The following SPACA9 variants were observed in gnomAD, a reference collection of about 807,000 sequenced individuals.
The protein encoded by SPACA9 is sperm acrosome-associated protein 9.
In SPACA9, 14 loss-of-function variants were observed where a neutral mutation model predicts 12.5. The observed-to-expected ratio is 1.12, with a 90% CI of 0.74 to 1.75. The LOEUF is 1.75. Ranked by LOEUF, SPACA9 falls within the 40% of genes most tolerant of loss-of-function variation. The pLI is 0.00. For missense variants in SPACA9, 292 were observed against 291.9 expected, an observed-to-expected ratio of 1.00 and a Z score of 0.00; for synonymous variants, 111 against 114.1, an observed-to-expected ratio of 0.97 and a Z score of 0.17.
At chr9:132,884,340 T>C (rs1844508958) in intron 2 of SPACA9, among the ~76,000 whole-genome samples, 1 of 152,234 alleles carries the variant, frequency 6.6e-6, no homozygotes, top group Non-Finnish European at 1.5e-5. Context: ...AGCTCTACCA[T>C]GTGCCACTGC....
In SPACA9 at chr9:132,888,342, T is replaced by G. The variant is rs1008518633; in HGVS notation, c.400T>G (p.Tyr134Asp). The change falls in exon 4 of 4, where the codon TAC becomes GAC. Residue 134 changes from tyrosine to aspartate, a missense_variant. By Grantham distance (160) the Tyr-to-Asp change is radical. Transcript: ENST00000356311. This position sits in a 1 kb window ranked among gnomAD's most constrained non-coding sequence, Gnocchi z 5.0. The part of the protein sequence containing the change: ...HLSCDEARNH[Y>D]GGVVSLIPLI... ...CAGCTGTGACGAGGCCCGGAACCAC[T>G]ACGGCGGCGTGGTCAGCCTCATCCC... is the stretch of plus-strand genomic sequence containing the variant. The G allele has an allele frequency of 6.2e-7, 1 of 1,614,048 alleles. No homozygotes were observed. The highest frequency in any genetic ancestry group is 8.5e-7 in the Non-Finnish European group (1 of 1,179,994).
At chr9:132,886,018 C>G (rs1032699443) in intron 2 of SPACA9, among the ~76,000 whole-genome samples, 10 of 152,232 alleles carry the variant, frequency 6.6e-5, no homozygotes, top group Non-Finnish European at 1.5e-4. Flanking sequence ...GCCTCTCCCC[C>G]TTACGAAGCT....
At chr9:132,884,194 C>T in intron 2 of SPACA9, 103 bp downstream of exon 2, 2 of 1,284,000 alleles carry the variant, frequency 1.6e-6, no homozygotes, top group Non-Finnish European at 2.2e-6. Flanking sequence ...ACGTTTGCGC[C>T]AGAATTAGGA....
In SPACA9 at chr9:132,884,085, T is replaced by C. The variant is rs1450823340; in HGVS notation, c.138T>C (p.Ile46=). ...ACAAGATCCGGCCCATCTCCAGCAT[T>C]GGACAGGTGGGGCTCCCGACCCCCA... ...AHDKIRPISS[I]GQVQSYMEHY... The change falls in exon 2 of 4, where the codon ATT becomes ATC. Residue 46 remains isoleucine, a synonymous_variant. Transcript: ENST00000356311. 5.6e-6 allele frequency: 9 copies of C among 1,612,670 alleles called. No homozygotes were observed. In the South Asian group the frequency reaches 9.9e-5, roughly 18 times the overall value.
intron 2 of SPACA9, among the ~76,000 whole-genome samples, chr9:132,886,352 C>T (rs1844564892): frequency 6.6e-6 from 1 of 152,214 alleles, no homozygotes; most frequent in South Asian, 2.1e-4. Context: ...CCTCCTTCTC[C>T]ACCTTGTGAA....
intron 2 of SPACA9, among the ~76,000 whole-genome samples, chr9:132,886,469 C>A (rs1026378900): frequency 9.9e-5 from 15 of 152,208 alleles, no homozygotes; most frequent in Admixed American, 7.2e-4. Flanking sequence ...AGTGGGATGA[C>A]AGGCACTGTG....
chr9:132,888,523 A>T lies in SPACA9; in HGVS notation c.581A>T (p.Lys194Ile), dbSNP rs778502752. The change falls in exon 4 of 4, where the codon AAA becomes ATA. Residue 194 changes from lysine to isoleucine, a missense_variant. By Grantham distance (102) the Lys-to-Ile change is moderately radical. Transcript: ENST00000356311. This position sits in a 1 kb window ranked among gnomAD's most constrained non-coding sequence, Gnocchi z 5.0. ...QAIGTQPRAT[K>I]HKCRQLTKAS... ...ATAGGGACCCAGCCCAGGGCCACTAAACACAAGTGTAGACAGCTCACAAAA... is the reference window on the plus strand; with the variant it reads ...ATAGGGACCCAGCCCAGGGCCACTATACACAAGTGTAGACAGCTCACAAAA... 5.1e-6 allele frequency: 8 copies of T among 1,575,114 alleles called. No homozygotes were observed. In the South Asian group the frequency reaches 9.2e-5, roughly 18 times the overall value.
chr9:132,881,582 G>C (rs573269752), intron 1 of SPACA9, among the ~76,000 whole-genome samples: 1 of 151,932 alleles, frequency 6.6e-6, no homozygotes, highest in African/African-American at 2.4e-5. Flanking sequence ...CCTAGCTGAC[G>C]TGGTGAAATT....
chr9:132,879,229 T>C (rs368793783), intron 1 of SPACA9, among the ~76,000 whole-genome samples: 1 of 152,328 alleles, frequency 6.6e-6, no homozygotes, highest in East Asian at 1.9e-4. Flanking sequence ...CAGCTTGATA[T>C]TTTATTAGTC....
In SPACA9 at chr9:132,888,533, T is replaced by G; in HGVS notation, c.591T>G (p.Cys197Trp). The change falls in exon 4 of 4, where the codon TGT becomes TGG. Residue 197 changes from cysteine to tryptophan, a missense_variant. Transcript: ENST00000356311. This position sits in a 1 kb window ranked among gnomAD's most constrained non-coding sequence, Gnocchi z 5.0. ...GTQPRATKHK[C>W]RQLTKASLKP... Reference sequence around the variant, plus strand: ...AGCCCAGGGCCACTAAACACAAGTGTAGACAGCTCACAAAAGCCAGCCTCA... The same window carrying G: ...AGCCCAGGGCCACTAAACACAAGTGGAGACAGCTCACAAAAGCCAGCCTCA... 1 of 1,565,090 alleles carries G rather than the reference T, an allele frequency of 6.4e-7. No homozygotes were observed. The highest frequency in any genetic ancestry group is 1.2e-5 in the South Asian group (1 of 85,944).
At position 132,888,227 on chromosome 9, in the gene SPACA9, T is replaced by C. The variant is rs1346435163; in HGVS notation, c.348-63T>C. On this transcript the variant is annotated intron_variant, in intron 3 of 3. Transcript: ENST00000356311. This position sits in a 1 kb window ranked among gnomAD's most constrained non-coding sequence, Gnocchi z 5.0. The stretch of plus-strand genomic sequence containing the variant: ...TCTGCTGTGCCTGAGGTGTGGCAGC[T>C]GCTTGCCACGGCATGGCAAGTCCCG... 1.9e-6 allele frequency: 3 copies of C among 1,549,594 alleles called. No individual in the cohort carries two copies. Among genetic ancestry groups the C allele is most frequent in the African/African-American group, 1.4e-5 (1 of 73,152 alleles).
intron 1 of SPACA9, among the ~76,000 whole-genome samples, chr9:132,882,513 T>A (rs1299084561): frequency 6.8e-6 from 1 of 147,074 alleles, no homozygotes; most frequent in Non-Finnish European, 1.5e-5. Flanking sequence ...TAGGCTGGAG[T>A]GCAGTACTGC....
chr9:132,884,798 C>A (rs940286789), intron 2 of SPACA9, among the ~76,000 whole-genome samples: 6 of 152,210 alleles, frequency 3.9e-5, no homozygotes, highest in African/African-American at 1.4e-4. Context: ...AACAAGCAAC[C>A]CTTGCTGGCA....
Position 132,883,997 on chromosome 9 carries a change from T to C in SPACA9, c.50T>C (p.Leu17Pro). The stretch of plus-strand genomic sequence containing the variant: ...CGCAGCATCGAGCAGAAGTACAAGC[T>C]CTTCCAGCAGCAGCAGCTCACCTTC... The part of the protein sequence containing the change: ...SLRSIEQKYK[L>P]FQQQQLTFTA... Residue 17 changes from leucine to proline, a missense_variant, in exon 2 of 4, where the codon CTC becomes CCC. Transcript: ENST00000356311. 6.2e-7 allele frequency: 1 copy of C among 1,614,096 alleles called. No individual in the cohort carries two copies. The highest frequency in any genetic ancestry group is 8.5e-7 in the Non-Finnish European group (1 of 1,180,004).
Position 132,889,757 on chromosome 9 carries a change from G to C in SPACA9, c.*1146G>C, listed in dbSNP as rs1325695571. On this transcript the variant is annotated 3_prime_UTR_variant, in exon 4 of 4. Transcript: ENST00000356311. ...TTAGTTCTCTGGACCACAGCCAAAG[G>C]GGAATAAACTCACCTTTCCTTCGCC... 2.4e-6 allele frequency: 3 copies of C among 1,272,020 alleles called. No homozygotes were observed. The East Asian group carries it at 9.4e-5, about 40-fold the overall frequency. 78.8% of individuals were successfully genotyped at this position (1,272,020 alleles called of 1,614,324 possible). A position where few individuals can be genotyped will look rare whatever the true frequency, so the allele number is the denominator to read the frequency against.
At chr9:132,880,845 T>C (rs867756410) in intron 1 of SPACA9, among the ~76,000 whole-genome samples, 3 of 148,286 alleles carry the variant, frequency 2.0e-5, no homozygotes, top group Non-Finnish European at 3.0e-5. Context: ...TTTTTTGAGA[T>C]GGAGTCTTGC....
intron 1 of SPACA9, among the ~76,000 whole-genome samples, chr9:132,883,571 CGT>C (rs948932422): frequency 2.5e-4 from 38 of 151,820 alleles, no homozygotes; most frequent in African/African-American, 7.7e-4. Flanking sequence ...CATGTGTGTG[CGT>C]GTGTGTGTGC....
At chr9:132,886,263 C>T (rs747378198) in intron 2 of SPACA9, among the ~76,000 whole-genome samples, 22 of 152,204 alleles carry the variant, frequency 1.4e-4, no homozygotes, top group Admixed American at 1.2e-3. Flanking sequence ...CTCCCTAGCT[C>T]GAGATCAGAC....
rs59019466 is a variant in SPACA9, at chr9:132,887,138, TATCCATCCATCCATCC to T, written c.145-203_145-188del. ...CGATCCATTAATTTCATATCATATC[TATCCATCCATCCATCC>T]ATCCATCCATCCATCCATCCATCCA... On this transcript the variant is annotated intron_variant, in intron 2 of 3. Coordinates refer to ENST00000356311, the MANE Select transcript of SPACA9 (RefSeq NM_001316897.2). This position sits in a 1 kb window ranked among gnomAD's most constrained non-coding sequence, Gnocchi z 5.4. 6.7e-5 allele frequency among the ~76,000 whole-genome samples: 10 copies of T among 149,112 alleles called. No homozygotes were observed. Among genetic ancestry groups the T allele is most frequent in the East Asian group, 4.0e-4 (2 of 5,014 alleles).
Sources: gnomAD v4.1 joint callset for allele counts (sites outside exome capture counted in the v4.1 genomes callset) on GRCh38, gnomAD v4.1.1 for gene constraint, Gnocchi (gnomAD v3.1) non-coding constraint, MANE v1.5 for transcripts, NCBI Gene and HGNC (gene_info 2026-07-23, HGNC 2026-07-21) for gene names.